The following ATPAF2 variants were observed in gnomAD, a reference collection of about 807,000 sequenced individuals.
ATPAF2 encodes the protein ATP12 homolog.
Under a neutral mutation model 36.6 loss-of-function variants are expected in ATPAF2, and 30 were observed. That is an observed-to-expected ratio of 0.82 (90% CI 0.61 to 1.11). The LOEUF (loss-of-function observed/expected upper bound fraction) is 1.11, where lower values mean the gene tolerates loss of function less well. ATPAF2 is among the 50% of genes most tolerant of loss of function. The pLI, the probability that ATPAF2 is intolerant of heterozygous loss-of-function variation, is 0.00. For missense variants in ATPAF2, 321 were observed against 372.3 expected (o/e 0.86, Z 1.13); for synonymous variants, 140 against 152.6 (o/e 0.92, Z 0.61).
chr17:18,030,320 CAAAA>C (rs1162130285), intron 1 of ATPAF2, among the ~76,000 whole-genome samples: 53 of 64,082 alleles, frequency 8.3e-4, no homozygotes, highest in East Asian at 6.5e-3. Flanking sequence ...GACTCCATCT[CAAAA>C]AAAAAAAAAA....
chr17:18,032,162 C>T lies in ATPAF2; in HGVS notation c.134-3503G>A, dbSNP rs2145515104. Among the ~76,000 whole-genome samples the T allele has an allele frequency of 2.6e-5, 4 of 152,324 alleles. No individual in the cohort carries two copies. In the East Asian group the frequency reaches 7.7e-4, roughly 29 times the overall value. On this transcript the variant is annotated intron_variant, in intron 1 of 7. Coordinates refer to ENST00000474627, the MANE Select transcript of ATPAF2 (RefSeq NM_145691.4). ...GTCTTCCCATGTCAGCAGGAAGAGC[C>T]AGCAGAGTGTACAAATGTACAAGAG...
intron 1 of ATPAF2, among the ~76,000 whole-genome samples, chr17:18,033,741 A>G (rs556214655): frequency 1.3e-5 from 2 of 152,264 alleles, no homozygotes; most frequent in African/African-American, 4.8e-5. Context: ...GCCATCTGTA[A>G]TCCTAGGGCG....
intron 4 of ATPAF2, chr17:18,026,092 G>C (rs908205718): frequency 4.9e-6 from 3 of 614,532 alleles, no homozygotes; most frequent in South Asian, 3.7e-5. Context: ...AGCCTAAGGA[G>C]CAGCTTCTGG....
At chr17:18,018,850 G>C (rs1253857965) in intron 7 of ATPAF2, among the ~76,000 whole-genome samples, 164 bp from the exon 8 acceptor site, 1 of 152,120 alleles carries the variant, frequency 6.6e-6, no homozygotes, top group African/African-American at 2.4e-5. Flanking sequence ...AGAACACCCA[G>C]GTACGCCAGA....
downstream of ATPAF2, chr17:18,016,536 G>A (rs771561530): frequency 7.9e-6 from 12 of 1,525,282 alleles, no homozygotes; most frequent in African/African-American, 4.1e-5. Context: ...GTAAGGAATC[G>A]GGCTTTGGTT....
chr17:18,028,736 T>A, intron 1 of ATPAF2, 77 bp from the exon 2 acceptor site: 1 of 1,275,334 alleles, frequency 7.8e-7, no homozygotes, highest in Non-Finnish European at 1.1e-6. Flanking sequence ...CCAGCTTGTA[T>A]CATTACTGCT....
At chr17:18,033,214 A>T (rs1038640683) in intron 1 of ATPAF2, among the ~76,000 whole-genome samples, 6 of 151,948 alleles carry the variant, frequency 3.9e-5, no homozygotes, top group East Asian at 1.9e-4. Flanking sequence ...ACAAAAAATT[A>T]AAAAATTGGC....
intron 1 of ATPAF2, among the ~76,000 whole-genome samples, chr17:18,029,066 T>C (rs746923938): frequency 1.2e-4 from 19 of 152,154 alleles, no homozygotes; most frequent in Non-Finnish European, 2.4e-4. Flanking sequence ...CTGATGCCTC[T>C]AAGGAGTGAG....
intron 6 of ATPAF2, 137 bp downstream of exon 6, chr17:18,021,608 C>T (rs2044469693): frequency 2.4e-6 from 2 of 823,376 alleles, no homozygotes; most frequent in Non-Finnish European, 4.3e-6. Flanking sequence ...ATCAGAGCCA[C>T]CCAGCCTCCA....
chr17:18,021,367 C>T (rs1028680503), intron 6 of ATPAF2, 129 bp from the exon 7 acceptor site: 5 of 774,950 alleles, frequency 6.5e-6, no homozygotes, highest in Admixed American at 2.0e-5. Context: ...GATTGTCCCA[C>T]TCTTCTGAAA....
intron 6 of ATPAF2, 159 bp from the exon 7 acceptor site, chr17:18,021,397 G>A: frequency 1.4e-6 from 1 of 711,544 alleles, no homozygotes; most frequent in South Asian, 1.5e-5. Context: ...GGTCTTCCCT[G>A]GGGGTGATCC....
At position 18,038,991 on chromosome 17, in the gene ATPAF2, A is replaced by G; in HGVS notation, c.23T>C (p.Leu8Pro). The change falls in exon 1 of 8, where the codon CTG (leucine) becomes CCG (proline). Residue 8 changes from leucine to proline, a missense_variant. Leu to Pro is a moderately conservative substitution (Grantham distance 98, BLOSUM62 -3). This residue lies in a region of ATPAF2 where 69 missense variants were observed against 60.1 expected (regional missense o/e 1.15). Coordinates refer to ENST00000474627, the MANE Select transcript of ATPAF2 (RefSeq NM_145691.4). MWRSCLR[L>P]RDGGRRLLNR... ...CAGGAGACGGCGTCCCCCGTCCCGC[A>G]GCCGGAGGCAGCTCCTCCACATCGC... The G allele has an allele frequency of 6.2e-7, 1 of 1,609,462 alleles. No individual in the cohort carries two copies. The highest frequency in any genetic ancestry group is 8.5e-7 in the Non-Finnish European group (1 of 1,177,864).
chr17:18,034,106 G>C (rs193219077), intron 1 of ATPAF2, among the ~76,000 whole-genome samples: 73 of 152,094 alleles, frequency 4.8e-4, no homozygotes, highest in African/African-American at 1.7e-3. Context: ...GCAACAGACC[G>C]AGGCCCTGTC....
intron 7 of ATPAF2, 73 bp downstream of exon 7, chr17:18,021,050 A>ATGGGT: frequency 6.5e-7 from 1 of 1,542,652 alleles, no homozygotes; most frequent in African/African-American, 1.4e-5. Context: ...TATATTTCAG[A>ATGGGT]TGGGTTAGCT....
downstream of ATPAF2, chr17:18,016,315 T>A: frequency 5.1e-6 from 6 of 1,175,240 alleles, no homozygotes; most frequent in Non-Finnish European, 7.4e-6. Flanking sequence ...GAAATAAAAT[T>A]AAGGATTATA....
chr17:18,033,340 T>A (rs1362697127), intron 1 of ATPAF2, among the ~76,000 whole-genome samples: 7 of 141,952 alleles, frequency 4.9e-5, no homozygotes, highest in African/African-American at 1.9e-4. Flanking sequence ...CCAACCAGGG[T>A]GACAGAATGA....
chr17:18,026,123 A>G (rs1420095910), intron 4 of ATPAF2, 196 bp downstream of exon 4: 10 of 657,846 alleles, frequency 1.5e-5, no homozygotes, highest in Non-Finnish European at 2.8e-5. Flanking sequence ...AGGGGTGGCC[A>G]TGTTCTGACA....
At chr17:18,026,686 C>G (rs112402011) in intron 3 of ATPAF2, 7 of 553,548 alleles carry the variant, frequency 1.3e-5, no homozygotes, top group African/African-American at 5.7e-5. Flanking sequence ...GGTCACATGC[C>G]TTTTATTACC....
intron 7 of ATPAF2, among the ~76,000 whole-genome samples, chr17:18,018,928 G>A (rs2044425795): frequency 6.6e-6 from 1 of 152,166 alleles, no homozygotes; most frequent in Non-Finnish European, 1.5e-5. Flanking sequence ...TTGAATCCAG[G>A]AGTTCAAGAC....
Sources: allele counts gnomAD v4.1 joint callset (sites outside exome capture counted in the v4.1 genomes callset), GRCh38; gene constraint gnomAD v4.1.1; regional missense constraint gnomAD v4.1.1; transcripts MANE v1.5; gene names NCBI Gene and HGNC (gene_info 2026-07-23, HGNC 2026-07-21).